The following KCTD16 variants were observed in gnomAD, a reference collection of about 807,000 sequenced individuals.
The protein encoded by KCTD16 is BTB/POZ domain-containing protein KCTD16.
A neutral mutation model predicts 33.2 loss-of-function variants in KCTD16; 13 were observed. That is an observed-to-expected ratio of 0.39 (90% CI 0.25 to 0.62). KCTD16 has a LOEUF of 0.62. KCTD16 is among the 20% of genes least tolerant of loss of function. KCTD16 has a pLI of 0.50. For missense variants in KCTD16, 441 were observed against 525.1 expected, an observed-to-expected ratio of 0.84 and a Z score of 1.57; for synonymous variants, 197 against 195.3, an observed-to-expected ratio of 1.01 and a Z score of -0.07.
chr5:144,229,647 A>T (rs774031847), intron 3 of KCTD16, among the ~76,000 whole-genome samples: 3 of 152,220 alleles, frequency 2.0e-5, no homozygotes, highest in Non-Finnish European at 4.4e-5. Context: ...CCAAGCTAGG[A>T]GAGGGTAGAC....
intron 3 of KCTD16, among the ~76,000 whole-genome samples, chr5:144,240,571 A>C (rs556429318): frequency 2.0e-5 from 3 of 152,134 alleles, no homozygotes; most frequent in African/African-American, 7.2e-5. Flanking sequence ...AAAGTATACA[A>C]CTTAACTTGA....
chr5:144,410,415 C>A (rs572919044), intron 3 of KCTD16, among the ~76,000 whole-genome samples: 35 of 152,196 alleles, frequency 2.3e-4, no homozygotes, highest in African/African-American at 7.0e-4. Context: ...TGATAATGTC[C>A]TACCTGTATG....
chr5:144,214,525 C>T (rs544299982), intron 3 of KCTD16, among the ~76,000 whole-genome samples: 1 of 152,322 alleles, frequency 6.6e-6, no homozygotes, highest in East Asian at 1.9e-4. Context: ...TCAGCCTCTA[C>T]TGTTGCCATT....
At chr5:144,394,980 A>G (rs1377830735) in intron 3 of KCTD16, among the ~76,000 whole-genome samples, 2 of 152,230 alleles carry the variant, frequency 1.3e-5, no homozygotes, top group Non-Finnish European at 2.9e-5. Flanking sequence ...AGTCTTGCTT[A>G]ACCCAGTGGT....
intron 3 of KCTD16, among the ~76,000 whole-genome samples, chr5:144,421,470 G>C (rs1014661137): frequency 1.3e-5 from 2 of 152,102 alleles, no homozygotes; most frequent in African/African-American, 4.8e-5. Flanking sequence ...GAATATTTTT[G>C]TGCGTACCTG....
At chr5:144,426,889 A>G (rs1195086349) in intron 3 of KCTD16, among the ~76,000 whole-genome samples, 1 of 151,786 alleles carries the variant, frequency 6.6e-6, no homozygotes, top group Non-Finnish European at 1.5e-5. Flanking sequence ...TACATTTCCA[A>G]CCTCTTAATA....
intron 3 of KCTD16, among the ~76,000 whole-genome samples, chr5:144,417,944 G>C (rs535985982): frequency 6.6e-6 from 1 of 152,264 alleles, no homozygotes; most frequent in African/African-American, 2.4e-5. Flanking sequence ...AGTTCTTAAA[G>C]ATGGTGTGTC....
At chr5:144,271,759 C>T (rs1229581498) in intron 3 of KCTD16, among the ~76,000 whole-genome samples, 1 of 137,110 alleles carries the variant, frequency 7.3e-6, no homozygotes, top group Non-Finnish European at 1.6e-5. Context: ...AGACTAAAAA[C>T]TACACACACA....
chr5:144,326,048 G>T (rs1310601368), intron 3 of KCTD16, among the ~76,000 whole-genome samples: 1 of 152,110 alleles, frequency 6.6e-6, no homozygotes, highest in Admixed American at 6.6e-5. Context: ...TATTTTTAAT[G>T]TGATTATTTT....
intron 3 of KCTD16, among the ~76,000 whole-genome samples, chr5:144,234,181 T>G (rs1754183132): frequency 6.6e-6 from 1 of 152,124 alleles, no homozygotes; most frequent in African/African-American, 2.4e-5. Flanking sequence ...TTATTTTTGT[T>G]TTTGATGTTG....
chr5:144,342,158 C>T (rs554697299), intron 3 of KCTD16, among the ~76,000 whole-genome samples: 213 of 152,176 alleles, frequency 1.4e-3, no homozygotes, highest in African/African-American at 4.9e-3. Context: ...CTATAAATTA[C>T]CTTGGGCAGT....
chr5:144,424,667 G>A (rs1244923811), intron 3 of KCTD16, among the ~76,000 whole-genome samples: 1 of 152,132 alleles, frequency 6.6e-6, no homozygotes, highest in African/African-American at 2.4e-5. Flanking sequence ...TTTGGTGTCT[G>A]GTGAGGATGA....
At chr5:144,220,185 G>A (rs2126802582) in intron 3 of KCTD16, among the ~76,000 whole-genome samples, 1 of 152,200 alleles carries the variant, frequency 6.6e-6, no homozygotes, top group East Asian at 1.9e-4. Context: ...ATTTTTCTGA[G>A]ACCTACTCAT....
At chr5:144,429,106 A>G (rs773289757) in intron 3 of KCTD16, among the ~76,000 whole-genome samples, 3 of 152,172 alleles carry the variant, frequency 2.0e-5, no homozygotes, top group Non-Finnish European at 2.9e-5. Flanking sequence ...TTGGGCAGGC[A>G]AGAAGGTGAA....
intron 3 of KCTD16, among the ~76,000 whole-genome samples, chr5:144,250,610 A>G (rs1325838032): frequency 1.3e-5 from 2 of 152,296 alleles, no homozygotes; most frequent in East Asian, 3.9e-4. Flanking sequence ...TATAGTGCAA[A>G]TTAGGATTTA....
chr5:144,392,783 G>T (rs919470254), intron 3 of KCTD16, among the ~76,000 whole-genome samples: 1 of 152,146 alleles, frequency 6.6e-6, no homozygotes, highest in South Asian at 2.1e-4. Context: ...TGAGTGATTT[G>T]CTGTGTTCCC....
chr5:144,275,288 C>G (rs1295699126), intron 3 of KCTD16, among the ~76,000 whole-genome samples: 1 of 152,164 alleles, frequency 6.6e-6, no homozygotes, highest in Non-Finnish European at 1.5e-5. Context: ...CCCATCTGCT[C>G]CTCCTTTTTT....
intron 2 of KCTD16, among the ~76,000 whole-genome samples, chr5:144,177,866 T>C (rs1011780407): frequency 6.6e-6 from 1 of 152,234 alleles, no homozygotes; most frequent in African/African-American, 2.4e-5. Context: ...TTTGCCCAAA[T>C]ATAGACTAAG....
Position 144,207,041 on chromosome 5 carries a change from A to T in KCTD16, c.327A>T (p.Glu109Asp). The T allele has an allele frequency of 6.2e-7, 1 of 1,614,150 alleles. No homozygotes were observed. Among genetic ancestry groups the T allele is most frequent in the Non-Finnish European group, 8.5e-7 (1 of 1,180,044 alleles). The change falls in exon 3 of 4, where the codon GAA (glutamate) becomes GAT (aspartate). Residue 109 changes from glutamate to aspartate, a missense_variant. Glu to Asp is a conservative substitution (Grantham distance 45). This residue lies in a region of KCTD16 where 355 missense variants were observed against 413.0 expected (regional missense o/e 0.86). Transcript: ENST00000512467. ...CAGAAAAAGGAAGACTGAAAAGGGA[A>T]GCTGAATACTTCCAGCTCCCAGACT... ...HFPEKGRLKR[E>D]AEYFQLPDLV...
Sources: gnomAD v4.1 joint callset for allele counts (sites outside exome capture counted in the v4.1 genomes callset) on GRCh38, gnomAD v4.1.1 for gene constraint, gnomAD v4.1.1 regional missense constraint, MANE v1.5 for transcripts, NCBI Gene and HGNC (gene_info 2026-07-23, HGNC 2026-07-21) for gene names.